PLCB1: variants seen among roughly 807,000 people sequenced by gnomAD.
The protein encoded by PLCB1 is 1-phosphatidylinositol 4,5-bisphosphate phosphodiesterase beta-1.
PLCB1 carries 46 observed loss-of-function variants against 161.8 expected under a neutral mutation model. That is an observed-to-expected ratio of 0.28 (90% CI 0.22 to 0.36). The LOEUF is 0.36. Ranked by LOEUF, PLCB1 falls within the 10% of genes least tolerant of loss-of-function variation. PLCB1 has a pLI of 1.00. For missense variants in PLCB1, 1,016 were observed against 1,472.5 expected (o/e 0.69, Z 5.07); for synonymous variants, 517 against 503.7 (o/e 1.03, Z -0.35).
intron 3 of PLCB1, among the ~76,000 whole-genome samples, chr20:8,496,975 A>G (rs1983204469): frequency 6.6e-6 from 1 of 152,234 alleles, no homozygotes. Context: ...AAGCTAGTCT[A>G]TATGATGTCT....
At chr20:8,823,965 A>G (rs1985561569) in intron 31 of PLCB1, among the ~76,000 whole-genome samples, 1 of 151,580 alleles carries the variant, frequency 6.6e-6, no homozygotes, top group Admixed American at 6.6e-5. Context: ...TGGGTTTGTC[A>G]GCATCTCACA....
At chr20:8,248,174 C>T (rs1003915311) in intron 2 of PLCB1, among the ~76,000 whole-genome samples, 4 of 151,892 alleles carry the variant, frequency 2.6e-5, no homozygotes, top group Non-Finnish European at 5.9e-5. Context: ...CTCTTCATGA[C>T]CTCATAGAGT....
chr20:8,491,809 A>G (rs1174236060), intron 3 of PLCB1, among the ~76,000 whole-genome samples: 1 of 152,128 alleles, frequency 6.6e-6, no homozygotes, highest in South Asian at 2.1e-4. Flanking sequence ...TCACAAGACA[A>G]TAAGTTGGGT....
At chr20:8,422,194 G>A (rs1200006963) in intron 3 of PLCB1, among the ~76,000 whole-genome samples, 1 of 152,192 alleles carries the variant, frequency 6.6e-6, no homozygotes, top group Non-Finnish European at 1.5e-5. Context: ...AGCGTCAGCT[G>A]GTGAAGTTTA....
intron 1 of PLCB1, among the ~76,000 whole-genome samples, chr20:8,133,504 A>T (rs1027117634): frequency 6.6e-6 from 1 of 152,110 alleles, no homozygotes; most frequent in African/African-American, 2.4e-5. Context: ...ATTTACCTGC[A>T]CCGTTTGCCA....
intron 3 of PLCB1, among the ~76,000 whole-genome samples, chr20:8,558,375 T>C (rs1425677817): frequency 6.7e-6 from 1 of 149,930 alleles, no homozygotes; most frequent in Non-Finnish European, 1.5e-5. Flanking sequence ...AAAAGATAAA[T>C]GAAACCATGG....
intron 3 of PLCB1, among the ~76,000 whole-genome samples, chr20:8,544,369 C>T (rs567817461): frequency 1.5e-3 from 235 of 152,178 alleles, no homozygotes; most frequent in African/African-American, 5.1e-3. Flanking sequence ...AAAGTGATAC[C>T]GAAATGCAAA....
chr20:8,630,005 T>TCTTC (rs1555778044), intron 4 of PLCB1, among the ~76,000 whole-genome samples: 1,315 of 122,968 alleles, frequency 0.011, 12 homozygotes, highest in South Asian at 0.017. Flanking sequence ...TTTCTTTCTT[T>TCTTC]CTTTCTCTTT....
At chr20:8,291,605 T>G (rs969488611) in intron 2 of PLCB1, among the ~76,000 whole-genome samples, 1 of 152,194 alleles carries the variant, frequency 6.6e-6, no homozygotes, top group African/African-American at 2.4e-5. Context: ...AAATGTACAT[T>G]CAACTTCTTG....
intron 31 of PLCB1, among the ~76,000 whole-genome samples, chr20:8,876,998 A>T (rs190684236): frequency 2.6e-5 from 4 of 152,254 alleles, no homozygotes; most frequent in Non-Finnish European, 5.9e-5. Flanking sequence ...CTTTGCTGGG[A>T]TGGGATGAGC....
chr20:8,317,799 A>G (rs925427985), intron 2 of PLCB1, among the ~76,000 whole-genome samples: 10 of 152,156 alleles, frequency 6.6e-5, no homozygotes, highest in Non-Finnish European at 1.2e-4. Flanking sequence ...TTCATTGTAG[A>G]AATAAAGAAA....
chr20:8,671,833 C>T (rs773743173), intron 9 of PLCB1, among the ~76,000 whole-genome samples: 1 of 152,122 alleles, frequency 6.6e-6, no homozygotes, highest in South Asian at 2.1e-4. Flanking sequence ...TTTCCATTGC[C>T]CAGGCATGAT....
At chr20:8,785,432 A>T (rs1192160307) in intron 27 of PLCB1, among the ~76,000 whole-genome samples, 1 of 152,196 alleles carries the variant, frequency 6.6e-6, no homozygotes, top group Non-Finnish European at 1.5e-5. Context: ...TCATCAGCTC[A>T]GAGTTTCTAG....
chr20:8,622,310 A>G (rs1988208837), intron 3 of PLCB1, among the ~76,000 whole-genome samples: 1 of 152,110 alleles, frequency 6.6e-6, no homozygotes, highest in Non-Finnish European at 1.5e-5. Flanking sequence ...TTTCAATTAT[A>G]GATCCCATAG....
chr20:8,222,846 A>G (rs138068598), intron 2 of PLCB1, among the ~76,000 whole-genome samples: 2 of 152,110 alleles, frequency 1.3e-5, no homozygotes, highest in African/African-American at 4.8e-5. Flanking sequence ...AATAAATTCA[A>G]TCCTTTATTA....
At chr20:8,836,836 A>C (rs1296142166) in intron 31 of PLCB1, among the ~76,000 whole-genome samples, 1 of 152,176 alleles carries the variant, frequency 6.6e-6, no homozygotes, top group African/African-American at 2.4e-5. Context: ...TGCTGCATAC[A>C]TGATCTCAAA....
At chr20:8,751,872 T>A (rs570748887) in intron 23 of PLCB1, 177 of 152,288 alleles carry the variant, frequency 1.2e-3, no homozygotes, top group African/African-American at 4.0e-3. Flanking sequence ...TATTCACTCA[T>A]AAAAACAAAT....
At chr20:8,682,116 T>A (rs1162354882) in intron 9 of PLCB1, among the ~76,000 whole-genome samples, 1 of 152,122 alleles carries the variant, frequency 6.6e-6, no homozygotes, top group Non-Finnish European at 1.5e-5. Context: ...AGATGTTCAA[T>A]AAACCTTTGT....
rs559136150 is a variant in PLCB1, at chr20:8,147,872, G to GTTT, written c.100-2406_100-2404dup. ...TGTTCCTAAATATAAATTTTGAAAA[G>GTTT]TTTTTTTTTTTTTTTTTTGAGACGG... On this transcript the variant is annotated intron_variant, in intron 1 of 31. Coordinates refer to ENST00000338037, the MANE Select transcript of PLCB1 (RefSeq NM_015192.4). 4.9e-4 allele frequency among the ~76,000 whole-genome samples: 64 copies of GTTT among 130,462 alleles called. 1 individual carries two copies. Among genetic ancestry groups the GTTT allele is most frequent in the Admixed American group, 6.4e-4 (8 of 12,552 alleles). The allele number at this position is 130,462 out of a possible 152,430, so 85.6% of individuals were successfully genotyped here.
Sources: allele counts gnomAD v4.1 joint callset (sites outside exome capture counted in the v4.1 genomes callset), GRCh38; gene constraint gnomAD v4.1.1; transcripts MANE v1.5; gene names NCBI Gene and HGNC (gene_info 2026-07-23, HGNC 2026-07-21).